CACNA2D3: variants seen among roughly 807,000 people sequenced by gnomAD.
CACNA2D3 encodes the protein voltage-dependent calcium channel subunit alpha-2/delta-3.
CACNA2D3 carries 60 observed loss-of-function variants against 160.6 expected under a neutral mutation model. That is an observed-to-expected ratio of 0.37 (90% CI 0.30 to 0.46). The LOEUF is 0.46. CACNA2D3 is among the 20% of genes least tolerant of loss of function. CACNA2D3 has a pLI of 1.00. For synonymous variants in CACNA2D3, 558 were observed against 492.9 expected (o/e 1.13, Z -1.75); for missense variants, 1,205 against 1,365.0 (o/e 0.88, Z 1.85).
intron 27 of CACNA2D3, among the ~76,000 whole-genome samples, chr3:54,954,431 A>G (rs1457195765): frequency 6.6e-6 from 1 of 152,218 alleles, no homozygotes; most frequent in Non-Finnish European, 1.5e-5. Flanking sequence ...GTGGAGCAGA[A>G]TACTCCTCAC....
Position 55,009,458 on chromosome 3 carries a change from G to A in CACNA2D3, c.2875+15G>A. The A allele has an allele frequency of 1.9e-6, 3 of 1,612,744 alleles. No homozygotes were observed. Among genetic ancestry groups the A allele is most frequent in the Non-Finnish European group, 2.5e-6 (3 of 1,178,764 alleles). ...GACAGCTAAAGGTGAGCAGCAACTG[G>A]TTTCTGTTTCCCAGCTTGGAGGGAT... On this transcript the variant is annotated intron_variant, in intron 34 of 37. Transcript: ENST00000474759.
chr3:54,142,172 T>A (rs889062498), intron 2 of CACNA2D3, among the ~76,000 whole-genome samples: 10 of 152,188 alleles, frequency 6.6e-5, no homozygotes, highest in Admixed American at 6.5e-5. Flanking sequence ...GCTGTGACCC[T>A]TTCCTGTCCT....
At chr3:54,460,684 A>G (rs545283079) in intron 4 of CACNA2D3, among the ~76,000 whole-genome samples, 61 of 152,282 alleles carry the variant, frequency 4.0e-4, no homozygotes, top group African/African-American at 1.1e-3. Context: ...GGCTGAGGCA[A>G]TGGGGTTTTC....
At chr3:54,303,884 G>GC (rs1197494428) in intron 2 of CACNA2D3, among the ~76,000 whole-genome samples, 1 of 139,538 alleles carries the variant, frequency 7.2e-6, no homozygotes, top group Non-Finnish European at 1.5e-5. Flanking sequence ...TTGTGGGGCT[G>GC]CAAGAACCTC....
chr3:54,792,722 C>T (rs1315586000), intron 13 of CACNA2D3, among the ~76,000 whole-genome samples: 1 of 152,046 alleles, frequency 6.6e-6, no homozygotes, highest in Non-Finnish European at 1.5e-5. Flanking sequence ...GCCCTGGTGC[C>T]CACACTCAGG....
intron 4 of CACNA2D3, among the ~76,000 whole-genome samples, chr3:54,435,311 G>C (rs1700044310): frequency 6.6e-6 from 1 of 152,144 alleles, no homozygotes; most frequent in Admixed American, 6.5e-5. Context: ...TCATCTCTCC[G>C]ATCCTGCGTG....
intron 4 of CACNA2D3, among the ~76,000 whole-genome samples, chr3:54,470,839 G>A (rs947676628): frequency 1.3e-5 from 2 of 152,088 alleles, no homozygotes; most frequent in Admixed American, 6.6e-5. Flanking sequence ...AATGGTAAAG[G>A]GATCAATGCA....
intron 2 of CACNA2D3, among the ~76,000 whole-genome samples, chr3:54,227,842 C>T (rs150925333): frequency 2.4e-4 from 36 of 152,276 alleles, no homozygotes; most frequent in African/African-American, 8.4e-4. Flanking sequence ...AGCCACTGCA[C>T]CCGGCCTGTC....
intron 34 of CACNA2D3, among the ~76,000 whole-genome samples, chr3:55,016,510 C>T (rs1703330064): frequency 6.6e-6 from 1 of 152,206 alleles, no homozygotes; most frequent in East Asian, 1.9e-4. Flanking sequence ...AGCTAGCCAG[C>T]CCCTGGCCTG....
At chr3:54,678,526 G>T (rs1311940715) in intron 11 of CACNA2D3, among the ~76,000 whole-genome samples, 2 of 151,860 alleles carry the variant, frequency 1.3e-5, no homozygotes, top group Non-Finnish European at 2.9e-5. Flanking sequence ...TTTGAGGCCA[G>T]CCTGGCCAAT....
intron 5 of CACNA2D3, among the ~76,000 whole-genome samples, chr3:54,525,287 A>G (rs1701707694): frequency 2.0e-5 from 3 of 152,060 alleles, no homozygotes; most frequent in Non-Finnish European, 4.4e-5. Context: ...TTACCTCTCT[A>G]TATGTTATAG....
chr3:55,011,686 G>A (rs575649246), intron 34 of CACNA2D3, among the ~76,000 whole-genome samples: 8 of 152,160 alleles, frequency 5.3e-5, no homozygotes, highest in Non-Finnish European at 1.0e-4. Context: ...AGGGTCAGTA[G>A]TTGGTATGGG....
chr3:54,522,933 T>TTTATTTATTTATTTAC (rs1252705201), intron 5 of CACNA2D3, among the ~76,000 whole-genome samples: 31 of 135,344 alleles, frequency 2.3e-4, no homozygotes, highest in African/African-American at 8.5e-4. Flanking sequence ...TATTTATTTA[T>TTTATTTATTTATTTAC]TTACTTACTT....
At chr3:54,490,515 G>C (rs899138197) in intron 4 of CACNA2D3, among the ~76,000 whole-genome samples, 1 of 152,188 alleles carries the variant, frequency 6.6e-6, no homozygotes, top group Non-Finnish European at 1.5e-5. Flanking sequence ...TTCCTAGCTG[G>C]AGGTAAAACA....
chr3:54,219,744 T>C (rs933564771), intron 2 of CACNA2D3, among the ~76,000 whole-genome samples: 2 of 152,160 alleles, frequency 1.3e-5, no homozygotes, highest in Admixed American at 6.6e-5. Flanking sequence ...TGTTTTGACA[T>C]GGATAGATGG....
In CACNA2D3 at chr3:54,802,874, C is replaced by G. The variant is rs140493424; in HGVS notation, c.1381-13979C>G. 6.7e-3 allele frequency among the ~76,000 whole-genome samples: 1,019 copies of G among 152,264 alleles called. 15 individuals are homozygous for G. Among genetic ancestry groups the G allele is most frequent in the African/African-American group, 0.023 (963 of 41,546 alleles). ...CTCTGAGACAAAACTTCCAGAGGAA[C>G]GATCAGACAGCAGCATTCGCGATTC... On this transcript the variant is annotated intron_variant, in intron 13 of 37. Coordinates refer to ENST00000474759, the MANE Select transcript of CACNA2D3 (RefSeq NM_018398.3).
At chr3:54,464,205 C>G (rs573898268) in intron 4 of CACNA2D3, among the ~76,000 whole-genome samples, 3 of 152,314 alleles carry the variant, frequency 2.0e-5, no homozygotes, top group African/African-American at 4.8e-5. Context: ...CCTAGTTAGG[C>G]TGCTTGGGGG....
intron 27 of CACNA2D3, among the ~76,000 whole-genome samples, chr3:54,948,209 G>C (rs545269726): frequency 1.3e-5 from 2 of 152,144 alleles, no homozygotes; most frequent in African/African-American, 4.8e-5. Flanking sequence ...AGTGAGATAG[G>C]AAACTTTTTG....
intron 11 of CACNA2D3, among the ~76,000 whole-genome samples, chr3:54,752,311 GC>G (rs1701873330): frequency 6.6e-6 from 1 of 152,190 alleles, no homozygotes; most frequent in Admixed American, 6.5e-5. Flanking sequence ...TGTGGAGCAA[GC>G]CCAGGCCTGT....
Sources: gnomAD v4.1 joint callset for allele counts (sites outside exome capture counted in the v4.1 genomes callset) on GRCh38, gnomAD v4.1.1 for gene constraint, MANE v1.5 for transcripts, NCBI Gene and HGNC (gene_info 2026-07-23, HGNC 2026-07-21) for gene names.